P4HA1: variants seen among roughly 807,000 people sequenced by gnomAD.
P4HA1 encodes the protein prolyl 4-hydroxylase subunit alpha-1.
In P4HA1, 24 loss-of-function variants were observed where a neutral mutation model predicts 72.8. The observed-to-expected ratio is 0.33, with a 90% confidence interval of 0.24 to 0.46. P4HA1 has a LOEUF of 0.46. Among genes scored for constraint, P4HA1 ranks in the 20% least tolerant of loss-of-function variants. P4HA1 has a pLI of 1.00. For missense variants in P4HA1, 446 were observed against 640.6 expected, an observed-to-expected ratio of 0.70 and a Z score of 3.28; for synonymous variants, 201 against 218.8, an observed-to-expected ratio of 0.92 and a Z score of 0.72.
intron 10 of P4HA1, among the ~76,000 whole-genome samples, chr10:73,022,824 T>C (rs1840167944): frequency 6.6e-6 from 1 of 152,264 alleles, no homozygotes; most frequent in East Asian, 1.9e-4. Flanking sequence ...CTGAAAACCA[T>C]GGCATAAGAA....
At chr10:73,044,908 T>C in intron 9 of P4HA1, 73 bp downstream of exon 9, 1 of 1,259,318 alleles carries the variant, frequency 7.9e-7, no homozygotes, top group South Asian at 1.3e-5. Flanking sequence ...CCACTTTCCT[T>C]AAATGAATAA....
At chr10:73,057,077 T>A (rs866500574) in intron 5 of P4HA1, among the ~76,000 whole-genome samples, 202 of 123,966 alleles carry the variant, frequency 1.6e-3, no homozygotes, top group Middle Eastern at 4.6e-3. Flanking sequence ...AAAAAAAAAA[T>A]AGATTAAACA....
chr10:73,017,635 AT>A (rs1469005740), intron 10 of P4HA1, among the ~76,000 whole-genome samples: 2 of 152,070 alleles, frequency 1.3e-5, no homozygotes. Context: ...TTTCTTACAT[AT>A]TTTTTCCCTG....
intron 1 of P4HA1, among the ~76,000 whole-genome samples, chr10:73,096,546 G>A (rs1042810829): frequency 2.0e-5 from 3 of 152,222 alleles, no homozygotes; most frequent in African/African-American, 7.2e-5. Context: ...GGACAGAGGT[G>A]GGAAGGGGGG....
At chr10:73,024,668 TA>T (rs894869369) in intron 10 of P4HA1, among the ~76,000 whole-genome samples, 2 of 149,586 alleles carry the variant, frequency 1.3e-5, no homozygotes. Flanking sequence ...GATACAGACA[TA>T]AAAAACCCTT....
chr10:73,064,790 G>A (rs1024580362), intron 5 of P4HA1, among the ~76,000 whole-genome samples: 6 of 148,634 alleles, frequency 4.0e-5, no homozygotes, highest in African/African-American at 7.5e-5. Context: ...GCAGTGAGCC[G>A]AGCTGCGCCA....
chr10:73,068,831 G>C lies in P4HA1; in HGVS notation c.463+15C>G. 1.2e-6 allele frequency: 2 copies of C among 1,604,834 alleles called. No individual in the cohort carries two copies. The highest frequency in any genetic ancestry group is 1.7e-6 in the Non-Finnish European group (2 of 1,171,954). On this transcript the variant is annotated intron_variant, in intron 5 of 14. Coordinates refer to ENST00000394890, the MANE Select transcript of P4HA1 (RefSeq NM_001017962.3). ...TAGGTGATAGGTATTTTATAGAATG[G>C]AAGAATGATCTTACCTGGAAGATTA... is the stretch of plus-strand genomic sequence containing the variant.
intron 10 of P4HA1, among the ~76,000 whole-genome samples, chr10:73,024,352 A>T (rs987576865): frequency 3.3e-5 from 5 of 152,158 alleles, no homozygotes; most frequent in Admixed American, 1.3e-4. Context: ...TCAAAACCAC[A>T]CAACTACATG....
chr10:73,042,716 G>A (rs114363885), intron 9 of P4HA1, among the ~76,000 whole-genome samples: 2 of 151,764 alleles, frequency 1.3e-5, no homozygotes, highest in Non-Finnish European at 1.5e-5. Flanking sequence ...CTCAACAGGG[G>A]TGGAGTCACT....
chr10:73,047,344 T>C lies in P4HA1; in HGVS notation c.901-243A>G, dbSNP rs562868473. On this transcript the variant is annotated intron_variant, in intron 7 of 14. Transcript: ENST00000394890. ...AGGTCTTAAATAAGGAGAAAGGTAG[T>C]GTATCTCTTTTAACCCTTCACTCAT... 1.3e-5 allele frequency among the ~76,000 whole-genome samples: 2 copies of C among 152,042 alleles called. 1 individual carries two copies. The highest frequency in any genetic ancestry group is 3.9e-4 in the East Asian group (2 of 5,170).
chr10:73,008,516 CATGT>C (rs1009303097), intron 14 of P4HA1, among the ~76,000 whole-genome samples: 9 of 152,274 alleles, frequency 5.9e-5, no homozygotes, highest in Non-Finnish European at 1.0e-4. Flanking sequence ...TATGTACATA[CATGT>C]ATGTATACAC....
At chr10:73,089,533 T>G (rs1368415325) in intron 1 of P4HA1, among the ~76,000 whole-genome samples, 1 of 152,078 alleles carries the variant, frequency 6.6e-6, no homozygotes, top group Non-Finnish European at 1.5e-5. Context: ...TCATAGCAGC[T>G]TTATTCATAA....
At chr10:73,015,214 A>G (rs1174666181) in intron 11 of P4HA1, among the ~76,000 whole-genome samples, 1 of 152,212 alleles carries the variant, frequency 6.6e-6, no homozygotes, top group Non-Finnish European at 1.5e-5. Context: ...AAATATTTAT[A>G]TCTAAATTAA....
intron 5 of P4HA1, among the ~76,000 whole-genome samples, chr10:73,058,587 T>G (rs117968801): frequency 6.6e-6 from 1 of 152,206 alleles, no homozygotes; most frequent in East Asian, 1.9e-4. Context: ...AAGACCATGC[T>G]TCCATCTCTA....
chr10:73,079,283 C>T (rs191735986), intron 1 of P4HA1, among the ~76,000 whole-genome samples: 14 of 151,866 alleles, frequency 9.2e-5, no homozygotes, highest in African/African-American at 3.4e-4. Context: ...CAAGGAGACC[C>T]CAACTCTATA....
At chr10:73,054,889 A>AAG in intron 5 of P4HA1, among the ~76,000 whole-genome samples, 1 of 152,172 alleles carries the variant, frequency 6.6e-6, no homozygotes, top group Non-Finnish European at 1.5e-5. Flanking sequence ...CCATTTGTGT[A>AAG]TCTTCTTTGG....
chr10:73,014,409 T>C, intron 11 of P4HA1, 120 bp from the exon 12 acceptor site: 1 of 733,538 alleles, frequency 1.4e-6, no homozygotes. Flanking sequence ...CCGCAAAAGT[T>C]TCCCTTGTAA....
chr10:73,072,192 A>C lies in P4HA1; in HGVS notation c.174-12T>G. 1 of 1,590,762 alleles carries C rather than the reference A, an allele frequency of 6.3e-7. No individual in the cohort carries two copies. The highest frequency in any genetic ancestry group is 8.6e-7 in the Non-Finnish European group (1 of 1,165,526). On this transcript the variant is annotated splice_polypyrimidine_tract_variant and intron_variant, in intron 3 of 14. Transcript: ENST00000394890. ...ACTTCTCTGCCCATCTACAGATGTA[A>C]AACATAAAAACTGAATATTTATATT...
rs920360586 is a variant in P4HA1 at position 73,059,424 on chromosome 10, T to TAAAAAAAA, written c.464-5842_464-5835dup. Among the ~76,000 whole-genome samples the TAAAAAAAA allele has an allele frequency of 3.3e-4, 8 of 24,178 alleles. 2 individuals are homozygous for TAAAAAAAA. Among genetic ancestry groups the TAAAAAAAA allele is most frequent in the Non-Finnish European group, 4.0e-4 (4 of 9,954 alleles). 15.9% of individuals were successfully genotyped at this position (24,178 alleles called of 152,430 possible). ...GGGCAAAATAATGAGACAATATATT[T>TAAAAAAAA]AAAAAAAAAAAAAAAAAAAAAAAAA... On this transcript the variant is annotated intron_variant, in intron 5 of 14. Coordinates refer to ENST00000394890, the MANE Select transcript of P4HA1 (RefSeq NM_001017962.3).
Sources: gnomAD v4.1 joint callset for allele counts (sites outside exome capture counted in the v4.1 genomes callset) on GRCh38, gnomAD v4.1.1 for gene constraint, MANE v1.5 for transcripts, NCBI Gene and HGNC (gene_info 2026-07-23, HGNC 2026-07-21) for gene names.